Variants in KANSL1 observed in about 807,000 individuals in gnomAD.
KANSL1 encodes the protein KAT8 regulatory NSL complex subunit 1, also known as MLL1/MLL complex subunit KANSL1.
KANSL1 carries 22 observed loss-of-function variants against 103.6 expected under a neutral mutation model. That is an observed-to-expected ratio of 0.21 (90% CI 0.15 to 0.30). The LOEUF is 0.30. KANSL1 is among the 10% of genes least tolerant of loss of function. The pLI, the probability that KANSL1 is intolerant of heterozygous loss-of-function variation, is 1.00. For missense variants in KANSL1, 1,337 were observed against 1,399.8 expected (o/e 0.96, Z 0.72); for synonymous variants, 600 against 527.6 (o/e 1.14, Z -1.88).
chr17:46,185,863 C>CT (rs1352954364), intron 1 of KANSL1, among the ~76,000 whole-genome samples: 1 of 151,902 alleles, frequency 6.6e-6, no homozygotes, highest in Non-Finnish European at 1.5e-5. Context: ...CTCAAGAAAA[C>CT]TTTTTTTTCT....
At chr17:46,170,747 C>G in intron 2 of KANSL1, 108 bp downstream of exon 2, 1 of 1,256,784 alleles carries the variant, frequency 8.0e-7, no homozygotes, top group Admixed American at 2.3e-5. Context: ...CAAACAGAAC[C>G]TAGACACCTA....
intron 6 of KANSL1, among the ~76,000 whole-genome samples, chr17:46,064,082 CTG>C (rs2078285258): frequency 8.3e-6 from 1 of 120,830 alleles, no homozygotes; most frequent in East Asian, 3.0e-4. Context: ...CAAAAAAAAA[CTG>C]AGACTGAAAT....
chr17:46,098,111 G>T (rs1436871919), intron 2 of KANSL1, among the ~76,000 whole-genome samples: 3 of 149,732 alleles, frequency 2.0e-5, no homozygotes, highest in Non-Finnish European at 4.4e-5. Context: ...CTAAATCCAG[G>T]AAATGATCTC....
intron 2 of KANSL1, among the ~76,000 whole-genome samples, chr17:46,160,227 T>C (rs1456221096): frequency 6.6e-6 from 1 of 152,214 alleles, no homozygotes; most frequent in Non-Finnish European, 1.5e-5. Context: ...TTTCTTTTCT[T>C]CCTTTTTTAA....
chr17:46,174,029 A>G (rs961158215), intron 1 of KANSL1, among the ~76,000 whole-genome samples: 3 of 152,272 alleles, frequency 2.0e-5, no homozygotes, highest in African/African-American at 7.2e-5. Context: ...TTCCTTGCAA[A>G]TGAACAAAGT....
chr17:46,179,445 A>AACAAG (rs56321995), intron 1 of KANSL1, among the ~76,000 whole-genome samples: 21,949 of 152,242 alleles, frequency 0.14, 2,136 homozygotes, highest in Middle Eastern at 0.22. Flanking sequence ...CCAGGTGGCC[A>AACAAG]ACAAGTATTA....
chr17:46,184,848 T>TTTTC (rs2046945374), intron 1 of KANSL1, among the ~76,000 whole-genome samples: 2 of 151,254 alleles, frequency 1.3e-5, no homozygotes, highest in Non-Finnish European at 2.9e-5. Flanking sequence ...TTTTTTTTTT[T>TTTTC]TTTTTTTTTG....
chr17:46,066,839 A>G, intron 5 of KANSL1, 107 bp from the exon 6 acceptor site: 1 of 757,316 alleles, frequency 1.3e-6, no homozygotes, highest in East Asian at 2.7e-5. Flanking sequence ...TTCAACCTCT[A>G]TTTGCTAATG....
chr17:46,084,746 C>T lies in KANSL1; in HGVS notation c.1432-2204G>A, dbSNP rs550045192. Among the ~76,000 whole-genome samples, 3 of 80,836 alleles carry T rather than the reference C, an allele frequency of 3.7e-5. No homozygotes were observed. In the East Asian group the frequency reaches 1.1e-3, roughly 30 times the overall value. The allele number at this position is 80,836 out of a possible 152,430, so 53.0% of individuals were successfully genotyped here. A position where few individuals can be genotyped will look rare whatever the true frequency, so the allele number is the denominator to read the frequency against. On this transcript the variant is annotated intron_variant, in intron 3 of 14. Coordinates refer to ENST00000432791, the MANE Select transcript of KANSL1 (RefSeq NM_015443.4). ...AAAAGAATTGGAGTCTCCTCAGAAACAAGAGAAAGGCCATTAACTAGTAAG... is the reference window on the plus strand; with the variant it reads ...AAAAGAATTGGAGTCTCCTCAGAAATAAGAGAAAGGCCATTAACTAGTAAG...
chr17:46,116,700 T>A (rs2043062549), intron 2 of KANSL1, among the ~76,000 whole-genome samples: 1 of 152,220 alleles, frequency 6.6e-6, no homozygotes, highest in Non-Finnish European at 1.5e-5. Context: ...TTAAGTGCAA[T>A]GCAATCTTTA....
chr17:46,149,519 A>G (rs901307417), intron 2 of KANSL1, among the ~76,000 whole-genome samples: 1 of 152,264 alleles, frequency 6.6e-6, no homozygotes, highest in Non-Finnish European at 1.5e-5. Flanking sequence ...AACTCTTGCC[A>G]TTATAGTACT....
rs139439415 is a variant in KANSL1, at chr17:46,209,296, G to A, written c.-90+14375C>T. On this transcript the variant is annotated intron_variant, in intron 1 of 14. Coordinates refer to the KANSL1 transcript ENST00000572904. ...GATAAGTGGGATTGATAAAAAGCAA[G>A]ACAGCTGATATTATATAATTCTTAT... 2.2e-3 allele frequency among the ~76,000 whole-genome samples: 342 copies of A among 152,266 alleles called. 1 individual carries two copies. Among genetic ancestry groups the A allele is most frequent in the Admixed American group, 4.4e-3 (68 of 15,294 alleles).
chr17:46,173,449 T>C (rs1451887681), intron 1 of KANSL1, among the ~76,000 whole-genome samples: 1 of 152,240 alleles, frequency 6.6e-6, no homozygotes, highest in Non-Finnish European at 1.5e-5. Context: ...TTGCCTCTGT[T>C]TGATCCCCCT....
intron 2 of KANSL1, among the ~76,000 whole-genome samples, chr17:46,165,669 C>A (rs1233258966): frequency 6.6e-6 from 1 of 151,710 alleles, no homozygotes; most frequent in African/African-American, 2.4e-5. Flanking sequence ...CACCACCACG[C>A]CTGGCTAATT....
chr17:46,138,172 G>A (rs902835632), intron 2 of KANSL1, among the ~76,000 whole-genome samples: 38 of 152,120 alleles, frequency 2.5e-4, no homozygotes, highest in Admixed American at 5.9e-4. Flanking sequence ...TCCCAAAATA[G>A]GAAACTTTCT....
chr17:46,166,878 GGTCTTTATAA>G (rs1597858880), intron 2 of KANSL1, among the ~76,000 whole-genome samples: 1 of 152,124 alleles, frequency 6.6e-6, no homozygotes. Context: ...TTCTCCCTGA[GGTCTTTATAA>G]AGAAGGCATT....
chr17:46,139,255 T>C (rs2044299919), intron 2 of KANSL1, among the ~76,000 whole-genome samples: 1 of 151,738 alleles, frequency 6.6e-6, no homozygotes, highest in African/African-American at 2.4e-5. Flanking sequence ...CACAGGGCAT[T>C]TGACCACATT....
chr17:46,183,612 T>G (rs1472528396), intron 1 of KANSL1, among the ~76,000 whole-genome samples: 140 of 115,636 alleles, frequency 1.2e-3, no homozygotes, highest in Middle Eastern at 4.7e-3. Flanking sequence ...GGAGAGGAGG[T>G]GAGAGAAGAA....
At chr17:46,095,030 C>T (rs2042002559) in intron 2 of KANSL1, among the ~76,000 whole-genome samples, 1 of 152,244 alleles carries the variant, frequency 6.6e-6, no homozygotes, top group Non-Finnish European at 1.5e-5. Context: ...ATAATCTATA[C>T]AGGAAATCCA....
Sources: gnomAD v4.1 joint callset for allele counts (sites outside exome capture counted in the v4.1 genomes callset) on GRCh38, gnomAD v4.1.1 for gene constraint, MANE v1.5 for transcripts, NCBI Gene and HGNC (gene_info 2026-07-23, HGNC 2026-07-21) for gene names.